The following GRIK1 variants were observed in gnomAD, a reference collection of about 807,000 sequenced individuals.
The protein encoded by GRIK1 is glutamate receptor ionotropic, kainate 1.
A neutral mutation model predicts 105.7 loss-of-function variants in GRIK1; 69 were observed. The observed-to-expected ratio is 0.65, with a 90% CI of 0.54 to 0.80. GRIK1 has a LOEUF of 0.80. GRIK1 is among the 30% of genes least tolerant of loss of function. GRIK1 has a pLI of 0.00. For missense variants in GRIK1, 1,109 were observed against 1,167.3 expected (o/e 0.95, Z 0.73); for synonymous variants, 438 against 431.3 (o/e 1.02, Z -0.19).
intron 6 of GRIK1, among the ~76,000 whole-genome samples, chr21:29,649,753 A>G (rs997800248): frequency 2.6e-5 from 4 of 152,244 alleles, no homozygotes; most frequent in African/African-American, 9.6e-5. Context: ...AATGTTTGGC[A>G]TAAGTCCACA....
chr21:29,567,816 A>C (rs2090646150), intron 14 of GRIK1, among the ~76,000 whole-genome samples: 1 of 152,232 alleles, frequency 6.6e-6, no homozygotes, highest in African/African-American at 2.4e-5. Context: ...TTAAATAATA[A>C]ATTCTCATGC....
chr21:29,780,166 G>T (rs542734031), intron 1 of GRIK1, among the ~76,000 whole-genome samples: 1 of 152,184 alleles, frequency 6.6e-6, no homozygotes, highest in African/African-American at 2.4e-5. Flanking sequence ...TTGGATGCCA[G>T]CTAGTATCTA....
intron 1 of GRIK1, among the ~76,000 whole-genome samples, chr21:29,817,282 GAA>G (rs982646787): frequency 3.9e-5 from 6 of 151,902 alleles, no homozygotes; most frequent in Non-Finnish European, 7.4e-5. Flanking sequence ...ACTCATAAAA[GAA>G]AAAATAATTA....
intron 1 of GRIK1, among the ~76,000 whole-genome samples, chr21:29,891,177 T>C (rs1376962899): frequency 6.6e-6 from 1 of 152,224 alleles, no homozygotes; most frequent in Non-Finnish European, 1.5e-5. Flanking sequence ...CTCATTCTTC[T>C]TTCATTCTGT....
intron 1 of GRIK1, among the ~76,000 whole-genome samples, chr21:29,874,343 A>G (rs2069119952): frequency 6.6e-6 from 1 of 152,166 alleles, no homozygotes; most frequent in South Asian, 2.1e-4. Flanking sequence ...TTACTGCATG[A>G]ACCACCCTTC....
At chr21:29,608,383 C>T (rs573639209) in intron 7 of GRIK1, among the ~76,000 whole-genome samples, 20 of 151,992 alleles carry the variant, frequency 1.3e-4, no homozygotes, top group Non-Finnish European at 2.4e-4. Context: ...ATTTTATTTA[C>T]CTCGGAGTAT....
intron 1 of GRIK1, among the ~76,000 whole-genome samples, chr21:29,851,254 C>A (rs1013295311): frequency 6.6e-6 from 1 of 152,034 alleles, no homozygotes; most frequent in African/African-American, 2.4e-5. Context: ...AGGGTTTCAC[C>A]ACGTTGGCCA....
intron 1 of GRIK1, among the ~76,000 whole-genome samples, chr21:29,936,631 C>G (rs749114533): frequency 1.5e-4 from 23 of 152,214 alleles, no homozygotes; most frequent in Non-Finnish European, 2.9e-5. Flanking sequence ...CACCACTATC[C>G]TACCGACCTT....
Position 29,917,536 on chromosome 21 carries a change from T to C in GRIK1, c.118+21847A>G, listed in dbSNP as rs1377165418. Among the ~76,000 whole-genome samples the C allele has an allele frequency of 2.0e-5, 3 of 152,182 alleles. No individual in the cohort carries two copies. In the East Asian group the frequency reaches 5.8e-4, roughly 29 times the overall value. ...ACAGTGATTTGCTGTAAGCCTACTA[T>C]GGTGCAAAGCATTTACATTGAAATG... On this transcript the variant is annotated intron_variant, in intron 1 of 17. Transcript: ENST00000327783.
intron 1 of GRIK1, among the ~76,000 whole-genome samples, chr21:29,937,546 CA>C (rs543079190): frequency 6.6e-6 from 1 of 152,144 alleles, no homozygotes; most frequent in Non-Finnish European, 1.5e-5. Flanking sequence ...GATCTGTGAA[CA>C]AATATGTCTT....
intron 1 of GRIK1, among the ~76,000 whole-genome samples, chr21:29,823,898 T>A (rs573646696): frequency 5.3e-4 from 81 of 152,140 alleles, no homozygotes; most frequent in African/African-American, 1.8e-3. Flanking sequence ...AGTGGCTGCA[T>A]CTTACTTTGG....
intron 1 of GRIK1, among the ~76,000 whole-genome samples, chr21:29,775,418 T>C (rs2065917969): frequency 1.3e-5 from 2 of 152,136 alleles, no homozygotes; most frequent in African/African-American, 4.8e-5. Context: ...GAAGCACCTT[T>C]CTCTGCTTCC....
intron 1 of GRIK1, among the ~76,000 whole-genome samples, chr21:29,701,728 A>G (rs1422634084): frequency 1.3e-5 from 2 of 152,224 alleles, no homozygotes; most frequent in African/African-American, 4.8e-5. Context: ...AGATGTTGCA[A>G]TAACACTCTT....
intron 12 of GRIK1, among the ~76,000 whole-genome samples, chr21:29,584,089 A>G (rs1271680561): frequency 1.3e-5 from 2 of 152,164 alleles, no homozygotes; most frequent in Non-Finnish European, 2.9e-5. Flanking sequence ...CTTTGGGTTT[A>G]TGTTTGTTTC....
At chr21:29,888,310 G>C (rs997546640) in intron 1 of GRIK1, among the ~76,000 whole-genome samples, 1 of 142,498 alleles carries the variant, frequency 7.0e-6, no homozygotes, top group Admixed American at 7.2e-5. Flanking sequence ...TGTCACTAAG[G>C]CTGGAGTGCA....
chr21:29,867,715 A>G (rs138533387), intron 1 of GRIK1, among the ~76,000 whole-genome samples: 2,979 of 152,004 alleles, frequency 0.02, 39 homozygotes, highest in African/African-American at 0.037. Flanking sequence ...AATCTCTTGA[A>G]CCCGAGAAGC....
At chr21:29,666,489 A>C (rs1196881097) in intron 4 of GRIK1, among the ~76,000 whole-genome samples, 1 of 152,156 alleles carries the variant, frequency 6.6e-6, no homozygotes, top group East Asian at 1.9e-4. Context: ...GCACTGGATA[A>C]TTTTACACTT....
intron 7 of GRIK1, among the ~76,000 whole-genome samples, chr21:29,641,901 T>C (rs928179170): frequency 6.6e-6 from 1 of 152,180 alleles, no homozygotes; most frequent in Non-Finnish European, 1.5e-5. Context: ...TGTCTTTCCT[T>C]ACTCTTAGCT....
intron 16 of GRIK1, among the ~76,000 whole-genome samples, chr21:29,547,273 G>A (rs956035637): frequency 1.3e-5 from 2 of 152,152 alleles, no homozygotes; most frequent in Admixed American, 1.3e-4. Flanking sequence ...CTATATCCAG[G>A]GGAGGCCTTT....
Sources: gnomAD v4.1 joint callset for allele counts (sites outside exome capture counted in the v4.1 genomes callset) on GRCh38, gnomAD v4.1.1 for gene constraint, MANE v1.5 for transcripts, NCBI Gene and HGNC (gene_info 2026-07-23, HGNC 2026-07-21) for gene names.